Variants in BPNT2 observed in about 807,000 individuals in gnomAD.
The protein encoded by BPNT2 is 3'(2'), 5'-bisphosphate nucleotidase 2.
In BPNT2, 11 loss-of-function variants were observed where a neutral mutation model predicts 29.3. The ratio of observed to expected loss-of-function variants is 0.38; its 90% CI spans 0.24 to 0.62. The LOEUF (loss-of-function observed/expected upper bound fraction) is 0.62, where lower values mean the gene tolerates loss of function less well. Among genes scored for constraint, BPNT2 ranks in the 20% least tolerant of loss-of-function variants. BPNT2 has a pLI of 0.62. For missense variants in BPNT2, 459 were observed against 473.4 expected (o/e 0.97, Z 0.28); for synonymous variants, 195 against 187.7 (o/e 1.04, Z -0.32).
At chr8:56,986,361 G>A (rs75438111) in intron 1 of BPNT2, among the ~76,000 whole-genome samples, 21,096 of 152,148 alleles carry the variant, frequency 0.14, 1,716 homozygotes, top group African/African-American at 0.2. Flanking sequence ...TGAAGGGAAA[G>A]CACAGCTTAA....
At chr8:56,981,178 C>A (rs1420643405) in intron 1 of BPNT2, among the ~76,000 whole-genome samples, 1 of 152,110 alleles carries the variant, frequency 6.6e-6, no homozygotes, top group Admixed American at 6.5e-5. Context: ...TTGTCAAGTG[C>A]GCCCCTGTCC....
At position 56,963,669 on chromosome 8, in the gene BPNT2, T is replaced by C; in HGVS notation, c.*124A>G. The C allele has an allele frequency of 1.9e-6, 2 of 1,079,716 alleles. No homozygotes were observed. Among genetic ancestry groups the C allele is most frequent in the Non-Finnish European group, 2.8e-6 (2 of 715,648 alleles). The allele number at this position is 1,079,716 out of a possible 1,614,324, so 66.9% of individuals were successfully genotyped here. On this transcript the variant is annotated 3_prime_UTR_variant, in exon 5 of 5. Coordinates refer to ENST00000262644, the MANE Select transcript of BPNT2 (RefSeq NM_017813.5). ...GGGAAAATAAGTCTCTGATGCTTCA[T>C]AAATACTTTAAAAAGTTCGGGATGG...
At chr8:56,980,293 T>C (rs1301404317) in intron 1 of BPNT2, 96 bp from the exon 2 acceptor site, 3 of 907,630 alleles carry the variant, frequency 3.3e-6, no homozygotes, top group African/African-American at 3.3e-5. Flanking sequence ...ACCCAAATTA[T>C]AAATAAGTAA....
chr8:56,980,283 AC>A, intron 1 of BPNT2, 86 bp from the exon 2 acceptor site: 1 of 1,034,442 alleles, frequency 9.7e-7, no homozygotes, highest in Non-Finnish European at 1.5e-6. Flanking sequence ...GACAACAATC[AC>A]CCAAATTATA....
chr8:56,992,791 G>C (rs554922267), intron 1 of BPNT2, among the ~76,000 whole-genome samples: 86 of 151,194 alleles, frequency 5.7e-4, no homozygotes, highest in African/African-American at 2.1e-3. Context: ...CTACTGGCAG[G>C]CCACCCAGAA....
chr8:56,969,470 G>A (rs1805998831), intron 3 of BPNT2, among the ~76,000 whole-genome samples: 1 of 152,056 alleles, frequency 6.6e-6, no homozygotes, highest in Non-Finnish European at 1.5e-5. Flanking sequence ...ACCAAAGATG[G>A]GAATAAGGTA....
chr8:56,977,226 A>C (rs1229752820), intron 3 of BPNT2, among the ~76,000 whole-genome samples: 2 of 152,132 alleles, frequency 1.3e-5, no homozygotes, highest in Non-Finnish European at 2.9e-5. Flanking sequence ...GTGGCTTATA[A>C]AAATATATGT....
chr8:56,988,132 T>C lies in BPNT2; in HGVS notation c.387+5067A>G, dbSNP rs375761035. Among the ~76,000 whole-genome samples the C allele has an allele frequency of 8.5e-5, 13 of 152,310 alleles. 1 individual carries two copies. The highest frequency in any genetic ancestry group is 7.7e-4 in the East Asian group (4 of 5,186). Reference sequence around the variant, plus strand: ...ACTATCAACTATTGTCTTTCAAATATAGCTCTATAAACAATTAAACATGCT... The same window carrying C: ...ACTATCAACTATTGTCTTTCAAATACAGCTCTATAAACAATTAAACATGCT... On this transcript the variant is annotated intron_variant, in intron 1 of 4. Coordinates refer to ENST00000262644, the MANE Select transcript of BPNT2 (RefSeq NM_017813.5).
At chr8:56,981,470 C>A (rs1394340121) in intron 1 of BPNT2, among the ~76,000 whole-genome samples, 1 of 152,042 alleles carries the variant, frequency 6.6e-6, no homozygotes, top group Admixed American at 6.6e-5. Context: ...GAGGCTGAGG[C>A]AGGAGAATCA....
At chr8:56,970,295 A>C (rs1405746004) in intron 3 of BPNT2, among the ~76,000 whole-genome samples, 1 of 152,214 alleles carries the variant, frequency 6.6e-6, no homozygotes, top group Admixed American at 6.5e-5. Context: ...AAATACCTAC[A>C]ATGTATTCAT....
At chr8:56,985,236 C>T (rs1433180702) in intron 1 of BPNT2, among the ~76,000 whole-genome samples, 1 of 152,078 alleles carries the variant, frequency 6.6e-6, no homozygotes, top group Admixed American at 6.6e-5. Flanking sequence ...GTAGCTCCAT[C>T]CCCATTGTCT....
At chr8:56,972,230 T>G (rs760416377) in intron 3 of BPNT2, among the ~76,000 whole-genome samples, 9 of 152,128 alleles carry the variant, frequency 5.9e-5, no homozygotes, top group Non-Finnish European at 1.0e-4. Context: ...TACAATTTCA[T>G]AGTGTTTAAT....
In BPNT2 at chr8:56,982,126, CT is replaced by C. The variant is rs539120953; in HGVS notation, c.388-1930del. ...AAACCGCTTAAATCATTAAATATCT[CT>C]TTTTTTTTTTTTTTTGAGACGGAGT... On this transcript the variant is annotated intron_variant, in intron 1 of 4. Transcript: ENST00000262644. Among the ~76,000 whole-genome samples, 327 of 141,452 alleles carry C rather than the reference CT, an allele frequency of 2.3e-3. 2 individuals are homozygous for C. Among genetic ancestry groups the C allele is most frequent in the South Asian group, 0.018 (81 of 4,508 alleles). The allele number at this position is 141,452 out of a possible 152,430, so 92.8% of individuals were successfully genotyped here.
At chr8:56,991,630 G>A (rs1022095480) in intron 1 of BPNT2, among the ~76,000 whole-genome samples, 1 of 152,280 alleles carries the variant, frequency 6.6e-6, no homozygotes, top group East Asian at 1.9e-4. Flanking sequence ...CAGATTTCCC[G>A]TTTGTATAGT....
chr8:56,975,677 A>G lies in BPNT2; in HGVS notation c.646+2373T>C, dbSNP rs1266456869. On this transcript the variant is annotated intron_variant, in intron 3 of 4. Coordinates refer to ENST00000262644, the MANE Select transcript of BPNT2 (RefSeq NM_017813.5). ...TCCATTTTTTCATCTATAAAAAAAGATAATGTCTTTCCTTGTCACATAGTT... is the reference window on the plus strand; with the variant it reads ...TCCATTTTTTCATCTATAAAAAAAGGTAATGTCTTTCCTTGTCACATAGTT... 2.0e-5 allele frequency among the ~76,000 whole-genome samples: 3 copies of G among 152,174 alleles called. No homozygotes were observed. In the East Asian group the frequency reaches 5.8e-4, roughly 29 times the overall value.
chr8:56,964,235 T>G, intron 4 of BPNT2, 171 bp from the exon 5 acceptor site: 1 of 568,828 alleles, frequency 1.8e-6, no homozygotes, highest in South Asian at 2.4e-5. Flanking sequence ...AATTTTAAAG[T>G]AACTGTATAA....
At chr8:56,977,194 C>T (rs1337417671) in intron 3 of BPNT2, among the ~76,000 whole-genome samples, 1 of 152,132 alleles carries the variant, frequency 6.6e-6, no homozygotes, top group African/African-American at 2.4e-5. Flanking sequence ...ATAATGGATA[C>T]TCAATCTGTA....
chr8:56,990,649 G>C (rs1198017149), intron 1 of BPNT2, among the ~76,000 whole-genome samples: 2 of 152,096 alleles, frequency 1.3e-5, no homozygotes, highest in African/African-American at 4.8e-5. Flanking sequence ...GTCATAGGGG[G>C]CTGTCCTGTG....
intron 3 of BPNT2, among the ~76,000 whole-genome samples, chr8:56,972,385 C>CTGTAACTG (rs1806053670): frequency 1.3e-5 from 2 of 151,492 alleles, no homozygotes; most frequent in South Asian, 4.2e-4. Flanking sequence ...GTAACTGTGG[C>CTGTAACTG]TGCCTGCTAT....
Sources: gnomAD v4.1 joint callset for allele counts (sites outside exome capture counted in the v4.1 genomes callset) on GRCh38, gnomAD v4.1.1 for gene constraint, MANE v1.5 for transcripts, NCBI Gene and HGNC (gene_info 2026-07-23, HGNC 2026-07-21) for gene names.